EPHA6: variants seen among roughly 807,000 people sequenced by gnomAD.
EPHA6 encodes EPH receptor A6, also known as ephrin type-A receptor 6.
In EPHA6, 50 loss-of-function variants were observed where a neutral mutation model predicts 112.0. The ratio of observed to expected loss-of-function variants is 0.45; its 90% confidence interval spans 0.36 to 0.56. The LOEUF (loss-of-function observed/expected upper bound fraction) is 0.56, where lower values mean the gene tolerates loss of function less well. Ranked by LOEUF, EPHA6 falls within the 20% of genes least tolerant of loss-of-function variation. The pLI is 0.00. For synonymous variants in EPHA6, 529 were observed against 490.7 expected (o/e 1.08, Z -1.03); for missense variants, 1,280 against 1,417.4 (o/e 0.90, Z 1.56).
chr3:96,896,861 G>A (rs1367450194), intron 2 of EPHA6, among the ~76,000 whole-genome samples: 1 of 152,132 alleles, frequency 6.6e-6, no homozygotes, highest in African/African-American at 2.4e-5. Flanking sequence ...AAGTTGAATA[G>A]TGTAAGCCAT....
chr3:96,972,087 A>G (rs1310425086), intron 2 of EPHA6, among the ~76,000 whole-genome samples: 1 of 152,094 alleles, frequency 6.6e-6, no homozygotes, highest in Non-Finnish European at 1.5e-5. Flanking sequence ...TGTATTAATC[A>G]TCTACCAGTG....
intron 14 of EPHA6, among the ~76,000 whole-genome samples, chr3:97,659,526 CA>C (rs984625015): frequency 2.6e-5 from 4 of 151,806 alleles, no homozygotes; most frequent in Non-Finnish European, 5.9e-5. Flanking sequence ...TAGCTTGTAT[CA>C]AATGTCCTAT....
At chr3:96,965,092 A>G (rs1203394480) in intron 2 of EPHA6, among the ~76,000 whole-genome samples, 3 of 152,154 alleles carry the variant, frequency 2.0e-5, no homozygotes, top group Non-Finnish European at 4.4e-5. Flanking sequence ...CATTTGCCTT[A>G]TTTGAACACA....
intron 4 of EPHA6, among the ~76,000 whole-genome samples, chr3:97,229,079 T>G (rs1413446275): frequency 6.6e-6 from 1 of 152,188 alleles, no homozygotes; most frequent in Non-Finnish European, 1.5e-5. Context: ...TTTGGTTTTT[T>G]TTCTTGCTGA....
chr3:97,579,067 C>T (rs565118524), intron 11 of EPHA6, among the ~76,000 whole-genome samples: 1 of 152,278 alleles, frequency 6.6e-6, no homozygotes, highest in South Asian at 2.1e-4. Flanking sequence ...CAATTCTTTT[C>T]TATAAATACA....
At chr3:97,640,630 A>AC in intron 14 of EPHA6, among the ~76,000 whole-genome samples, 1 of 152,040 alleles carries the variant, frequency 6.6e-6, no homozygotes, top group East Asian at 1.9e-4. Flanking sequence ...AAAAAAAAAA[A>AC]TTAGCCAGGC....
chr3:97,213,292 A>T (rs150666683), intron 3 of EPHA6, among the ~76,000 whole-genome samples: 3 of 152,140 alleles, frequency 2.0e-5, no homozygotes, highest in Admixed American at 2.0e-4. Context: ...AGAGAGAAAA[A>T]GAAACATAAT....
chr3:97,555,989 A>G (rs1450933029), intron 11 of EPHA6, among the ~76,000 whole-genome samples: 1 of 151,892 alleles, frequency 6.6e-6, no homozygotes, highest in Non-Finnish European at 1.5e-5. Context: ...ATAGGTCCCA[A>G]ACCACCTCCT....
chr3:96,911,971 AC>A (rs1169830811), intron 2 of EPHA6, among the ~76,000 whole-genome samples: 2 of 152,110 alleles, frequency 1.3e-5, no homozygotes, highest in African/African-American at 4.8e-5. Flanking sequence ...GTGTCTAAGA[AC>A]TAGAAAAAAC....
chr3:97,075,995 C>T (rs2046511509), intron 3 of EPHA6, among the ~76,000 whole-genome samples: 1 of 151,996 alleles, frequency 6.6e-6, no homozygotes, highest in Non-Finnish European at 1.5e-5. Context: ...TTCTCTCTTC[C>T]TGTCCTTGGG....
intron 3 of EPHA6, among the ~76,000 whole-genome samples, chr3:97,118,904 T>C (rs1179693555): frequency 3.9e-5 from 6 of 152,004 alleles, no homozygotes; most frequent in Non-Finnish European, 8.8e-5. Flanking sequence ...CGATACCATC[T>C]CTTCAAATGT....
intron 1 of EPHA6, among the ~76,000 whole-genome samples, chr3:96,834,043 G>C (rs1009733864): frequency 2.0e-5 from 3 of 151,914 alleles, no homozygotes; most frequent in Admixed American, 1.3e-4. Flanking sequence ...TTATACATTT[G>C]TATAAATTAA....
intron 13 of EPHA6, among the ~76,000 whole-genome samples, chr3:97,616,730 A>G (rs1290674059): frequency 1.3e-5 from 2 of 152,180 alleles, no homozygotes; most frequent in African/African-American, 4.8e-5. Context: ...ACAAGAATAG[A>G]GAAAAAAAAT....
chr3:97,540,455 T>C (rs1281743661), intron 11 of EPHA6, among the ~76,000 whole-genome samples: 1 of 152,220 alleles, frequency 6.6e-6, no homozygotes, highest in Non-Finnish European at 1.5e-5. Context: ...ACACTTCCCT[T>C]CTTATAAGAA....
chr3:97,497,856 A>G (rs1255386942), intron 10 of EPHA6, among the ~76,000 whole-genome samples: 1 of 152,142 alleles, frequency 6.6e-6, no homozygotes, highest in Admixed American at 6.5e-5. Context: ...GGAGAATTAC[A>G]TAGATTGCAA....
chr3:97,455,796 A>G (rs2090661980), intron 7 of EPHA6, among the ~76,000 whole-genome samples: 1 of 152,018 alleles, frequency 6.6e-6, no homozygotes, highest in African/African-American at 2.4e-5. Context: ...GGTCTTGATG[A>G]AGAGTAACTA....
intron 2 of EPHA6, among the ~76,000 whole-genome samples, chr3:96,891,164 T>C (rs938717492): frequency 1.3e-5 from 2 of 152,174 alleles, no homozygotes; most frequent in African/African-American, 2.4e-5. Context: ...TGTGTATACA[T>C]CTTTACAAAG....
intron 7 of EPHA6, among the ~76,000 whole-genome samples, chr3:97,463,638 A>G (rs573655101): frequency 1.3e-5 from 2 of 152,264 alleles, no homozygotes; most frequent in South Asian, 4.1e-4. Flanking sequence ...CAACAAATAC[A>G]AAAGTTTTTT....
At chr3:97,163,976 TAA>T (rs1386216322) in intron 3 of EPHA6, among the ~76,000 whole-genome samples, 1 of 152,204 alleles carries the variant, frequency 6.6e-6, no homozygotes, top group Non-Finnish European at 1.5e-5. Context: ...CTACTGGAAA[TAA>T]AAGTCTTCTT....
Sources: gnomAD v4.1 joint callset for allele counts (sites outside exome capture counted in the v4.1 genomes callset) on GRCh38, gnomAD v4.1.1 for gene constraint, MANE v1.5 for transcripts, NCBI Gene and HGNC (gene_info 2026-07-23, HGNC 2026-07-21) for gene names.